Variants in GRIK1 observed in about 807,000 individuals in gnomAD.
The protein encoded by GRIK1 is glutamate receptor ionotropic, kainate 1.
Under a neutral mutation model 105.7 loss-of-function variants are expected in GRIK1, and 69 were observed. The ratio of observed to expected loss-of-function variants is 0.65; its 90% CI spans 0.54 to 0.80. The LOEUF (loss-of-function observed/expected upper bound fraction) is 0.80, where lower values mean the gene tolerates loss of function less well. GRIK1 is among the 30% of genes least tolerant of loss of function. The probability of loss-of-function intolerance (pLI) is 0.00; values close to 1 mark genes in which losing one functional copy is unlikely to be tolerated. For synonymous variants in GRIK1, 438 were observed against 431.3 expected, an observed-to-expected ratio of 1.02 and a Z score of -0.19; for missense variants, 1,109 against 1,167.3, an observed-to-expected ratio of 0.95 and a Z score of 0.73.
chr21:29,600,555 A>C (rs922683062), intron 7 of GRIK1, among the ~76,000 whole-genome samples: 1 of 152,214 alleles, frequency 6.6e-6, no homozygotes, highest in Non-Finnish European at 1.5e-5. Flanking sequence ...CAAATTCATT[A>C]GACATGCATA....
intron 2 of GRIK1, among the ~76,000 whole-genome samples, chr21:29,692,505 C>A (rs539567546): frequency 1.2e-4 from 18 of 152,192 alleles, no homozygotes; most frequent in African/African-American, 4.3e-4. Context: ...CAAAGTCTAC[C>A]CATTTTTAAA....
chr21:29,811,475 C>CCTAGCAAAT (rs1253531590), intron 1 of GRIK1, among the ~76,000 whole-genome samples: 1 of 152,038 alleles, frequency 6.6e-6, no homozygotes, highest in Non-Finnish European at 1.5e-5. Flanking sequence ...TTAAGTACAG[C>CCTAGCAAAT]CTAGCAAATA....
At chr21:29,726,866 T>C (rs2064478970) in intron 1 of GRIK1, among the ~76,000 whole-genome samples, 1 of 151,648 alleles carries the variant, frequency 6.6e-6, no homozygotes, top group African/African-American at 2.4e-5. Context: ...TTAATGTTCA[T>C]ATAATCTAAA....
chr21:29,898,668 T>C (rs1162588341), intron 1 of GRIK1, among the ~76,000 whole-genome samples: 2 of 152,170 alleles, frequency 1.3e-5, no homozygotes, highest in Non-Finnish European at 2.9e-5. Context: ...AAAAAGACAA[T>C]TAATAGTTCT....
intron 14 of GRIK1, among the ~76,000 whole-genome samples, chr21:29,574,238 T>A (rs1340136158): frequency 6.6e-6 from 1 of 152,236 alleles, no homozygotes; most frequent in African/African-American, 2.4e-5. Flanking sequence ...ATCCACAGCC[T>A]GTGCATAGAT....
intron 1 of GRIK1, among the ~76,000 whole-genome samples, chr21:29,779,108 G>A (rs946631008): frequency 6.6e-6 from 1 of 152,186 alleles, no homozygotes; most frequent in Non-Finnish European, 1.5e-5. Context: ...TTAAGGATGA[G>A]TATCTGAAAA....
chr21:29,780,875 T>C (rs891236695), intron 1 of GRIK1, among the ~76,000 whole-genome samples: 1 of 152,196 alleles, frequency 6.6e-6, no homozygotes, highest in Non-Finnish European at 1.5e-5. Flanking sequence ...AATGTTTATA[T>C]GAAAGACATG....
Position 29,876,112 on chromosome 21 carries a change from A to G in GRIK1, c.118+63271T>C, listed in dbSNP as rs867830847. ...ACAATCCCAAGGGGAGGAGATAGAT[A>G]TGTGTGTGTGTGTGTGTGTGTGTGT... is the stretch of plus-strand genomic sequence containing the variant. On this transcript the variant is annotated intron_variant, in intron 1 of 17. Coordinates refer to ENST00000327783, the MANE Select transcript of GRIK1 (RefSeq NM_001330994.2). Among the ~76,000 whole-genome samples, 231 of 149,096 alleles carry G rather than the reference A, an allele frequency of 1.5e-3. 3 individuals carry two copies. The highest frequency in any genetic ancestry group is 5.3e-3 in the African/African-American group (212 of 40,276).
At chr21:29,812,026 C>T (rs2067023730) in intron 1 of GRIK1, among the ~76,000 whole-genome samples, 2 of 152,172 alleles carry the variant, frequency 1.3e-5, no homozygotes, top group Non-Finnish European at 2.9e-5. Context: ...CCAAGTCATT[C>T]TTTACCTCTC....
At chr21:29,886,408 T>A (rs539143321) in intron 1 of GRIK1, among the ~76,000 whole-genome samples, 35 of 152,264 alleles carry the variant, frequency 2.3e-4, no homozygotes, top group African/African-American at 8.2e-4. Context: ...GGGCTGACAC[T>A]GCAGTGTGTT....
chr21:29,864,417 T>C (rs1482576609), intron 1 of GRIK1, among the ~76,000 whole-genome samples: 2 of 152,150 alleles, frequency 1.3e-5, no homozygotes. Context: ...TACTCAAATC[T>C]TACCTTTAAA....
At chr21:29,746,725 G>A (rs934783316) in intron 1 of GRIK1, among the ~76,000 whole-genome samples, 4 of 152,158 alleles carry the variant, frequency 2.6e-5, no homozygotes, top group African/African-American at 9.7e-5. Flanking sequence ...GGTTTAGAGA[G>A]GACATTAAAA....
chr21:29,724,821 G>A (rs554338255), intron 1 of GRIK1, among the ~76,000 whole-genome samples: 1 of 152,108 alleles, frequency 6.6e-6, no homozygotes, highest in Admixed American at 6.6e-5. Flanking sequence ...CTTTGTGGGA[G>A]CATGTAATCT....
intron 1 of GRIK1, among the ~76,000 whole-genome samples, chr21:29,756,981 G>A (rs1569055589): frequency 6.6e-6 from 1 of 152,080 alleles, no homozygotes; most frequent in Non-Finnish European, 1.5e-5. Flanking sequence ...GCTGGGTGTG[G>A]TGGCAGGTGC....
At chr21:29,717,882 C>G (rs1242491790) in intron 1 of GRIK1, among the ~76,000 whole-genome samples, 6 of 152,072 alleles carry the variant, frequency 3.9e-5, no homozygotes, top group East Asian at 3.9e-4. Context: ...AATCTCATCT[C>G]GAATTTTAGT....
chr21:29,878,494 A>G (rs544119910), intron 1 of GRIK1, among the ~76,000 whole-genome samples: 4 of 152,112 alleles, frequency 2.6e-5, no homozygotes, highest in Non-Finnish European at 4.4e-5. Context: ...AATGGAAGAA[A>G]TCAAAGGAGA....
intron 1 of GRIK1, among the ~76,000 whole-genome samples, chr21:29,824,830 A>C (rs981225354): frequency 1.3e-5 from 2 of 152,022 alleles, no homozygotes; most frequent in Non-Finnish European, 2.9e-5. Context: ...GGTCGACTTT[A>C]ACAGCATCCC....
At chr21:29,774,125 T>A (rs1226541580) in intron 1 of GRIK1, among the ~76,000 whole-genome samples, 1 of 152,194 alleles carries the variant, frequency 6.6e-6, no homozygotes, top group South Asian at 2.1e-4. Context: ...TTCAATTTCT[T>A]ATTCTGCAGA....
At position 29,915,377 on chromosome 21, in the gene GRIK1, T is replaced by A. The variant is rs1481539332; in HGVS notation, c.118+24006A>T. 2.6e-5 allele frequency among the ~76,000 whole-genome samples: 4 copies of A among 152,162 alleles called. No individual in the cohort carries two copies. The East Asian group carries it at 7.7e-4, about 29-fold the overall frequency. Reference sequence around the variant, plus strand: ...ACACCAACTATCTAGCGGTTAAATTTAAATTTGATACAACTAAATCATTAA... The same window carrying A: ...ACACCAACTATCTAGCGGTTAAATTAAAATTTGATACAACTAAATCATTAA... On this transcript the variant is annotated intron_variant, in intron 1 of 17. Transcript: ENST00000327783.
Sources: gnomAD v4.1 joint callset for allele counts (sites outside exome capture counted in the v4.1 genomes callset) on GRCh38, gnomAD v4.1.1 for gene constraint, MANE v1.5 for transcripts, NCBI Gene and HGNC (gene_info 2026-07-23, HGNC 2026-07-21) for gene names.